MLLT1: variants seen among roughly 807,000 people sequenced by gnomAD.
The protein encoded by MLLT1 is protein ENL.
MLLT1 carries 11 observed loss-of-function variants against 55.1 expected under a neutral mutation model. The observed-to-expected ratio is 0.20, with a 90% CI of 0.13 to 0.33. The LOEUF (loss-of-function observed/expected upper bound fraction) is 0.33, where lower values mean the gene tolerates loss of function less well. Ranked by LOEUF, MLLT1 falls within the 10% of genes least tolerant of loss-of-function variation. The probability of loss-of-function intolerance (pLI) is 1.00; values close to 1 mark genes in which losing one functional copy is unlikely to be tolerated. For missense variants in MLLT1, 536 were observed against 760.6 expected (o/e 0.70, Z 3.47); for synonymous variants, 323 against 320.1 (o/e 1.01, Z -0.10).
At chr19:6,214,323 G>A (rs2090817177) in intron 8 of MLLT1, among the ~76,000 whole-genome samples, 2 of 152,252 alleles carry the variant, frequency 1.3e-5, no homozygotes, top group South Asian at 4.1e-4. Context: ...CAGCCAATGG[G>A]CCTTGCTGGG....
intron 3 of MLLT1, among the ~76,000 whole-genome samples, chr19:6,239,548 C>T (rs1326033999): frequency 2.0e-5 from 3 of 152,166 alleles, no homozygotes; most frequent in Non-Finnish European, 4.4e-5. Flanking sequence ...CATGCACACA[C>T]GCATGCGTAC....
chr19:6,230,441 G>C lies in MLLT1; in HGVS notation c.420+129C>G, dbSNP rs2090998596. 3 of 1,135,450 alleles carry C rather than the reference G, an allele frequency of 2.6e-6. No individual in the cohort carries two copies. The Admixed American group carries it at 7.9e-5, about 30-fold the overall frequency. 70.3% of individuals were successfully genotyped at this position (1,135,450 alleles called of 1,614,324 possible). A position where few individuals can be genotyped will look rare whatever the true frequency, so the allele number is the denominator to read the frequency against. ...CCCAGGTCCCCTCCAGCTCTGCTGG[G>C]TGCTGCCGTGTGACCTGCGCCTTGG... is the stretch of plus-strand genomic sequence containing the variant. On this transcript the variant is annotated intron_variant, in intron 4 of 11. Coordinates refer to ENST00000252674, the MANE Select transcript of MLLT1 (RefSeq NM_005934.4). The surrounding 1 kb of genome is among the most constrained non-coding windows in gnomAD (Gnocchi z 9.0).
intron 3 of MLLT1, among the ~76,000 whole-genome samples, chr19:6,233,646 G>A (rs1165976137): frequency 2.0e-5 from 3 of 152,224 alleles, no homozygotes; most frequent in African/African-American, 4.8e-5. Flanking sequence ...CGCGAGAGGT[G>A]GTGCCTGTGG....
rs562298653 is a variant in MLLT1 at position 6,262,569 on chromosome 19, G to A, written c.194-259C>T. Among the ~76,000 whole-genome samples, 31 of 152,312 alleles carry A rather than the reference G, an allele frequency of 2.0e-4. No homozygotes were observed. In the South Asian group the frequency reaches 5.6e-3, roughly 28 times the overall value. On this transcript the variant is annotated intron_variant, in intron 2 of 11. Transcript: ENST00000252674. The surrounding 1 kb of genome is among the most constrained non-coding windows in gnomAD (Gnocchi z 4.4). ...TGGTCAGCAGAGAGTGAGAAGGAACGTTAGCCTGTCATCGGGATACTTGCT... is the reference window on the plus strand; with the variant it reads ...TGGTCAGCAGAGAGTGAGAAGGAACATTAGCCTGTCATCGGGATACTTGCT...
At chr19:6,249,357 G>C (rs2091195680) in intron 3 of MLLT1, among the ~76,000 whole-genome samples, 1 of 152,130 alleles carries the variant, frequency 6.6e-6, no homozygotes, top group Non-Finnish European at 1.5e-5. Flanking sequence ...TCACTCACTA[G>C]AACAGGAAGG....
chr19:6,215,423 G>A (rs1339163837), intron 8 of MLLT1, among the ~76,000 whole-genome samples: 1 of 152,206 alleles, frequency 6.6e-6, no homozygotes, highest in Non-Finnish European at 1.5e-5. Context: ...CGTGTCTAGA[G>A]TCTAAGTCCC....
chr19:6,216,761 A>G, intron 7 of MLLT1: 2 of 531,752 alleles, frequency 3.8e-6, no homozygotes, highest in South Asian at 2.3e-5. Context: ...CGCAGGCCTC[A>G]GGGGACTGGC....
At chr19:6,264,139 C>T (rs1320599852) in intron 2 of MLLT1, among the ~76,000 whole-genome samples, 1 of 151,896 alleles carries the variant, frequency 6.6e-6, no homozygotes, top group Non-Finnish European at 1.5e-5. Flanking sequence ...CTCCATAAAG[C>T]GGTTATTAAA....
intron 2 of MLLT1, among the ~76,000 whole-genome samples, chr19:6,269,982 A>G (rs565650539): frequency 1.3e-5 from 2 of 152,032 alleles, no homozygotes; most frequent in Admixed American, 6.5e-5. Flanking sequence ...CCTAGGGCTC[A>G]CTTCCCCAGG....
chr19:6,217,582 C>T (rs1454113403), intron 7 of MLLT1, among the ~76,000 whole-genome samples: 1 of 152,216 alleles, frequency 6.6e-6, no homozygotes. Context: ...GCCAGTGCCT[C>T]GCTGGCCCTG....
intron 6 of MLLT1, among the ~76,000 whole-genome samples, chr19:6,221,387 C>T (rs1351451923): frequency 6.6e-6 from 1 of 152,236 alleles, no homozygotes; most frequent in Non-Finnish European, 1.5e-5. Flanking sequence ...GAGGTGGCTA[C>T]CAGCTCTTGC....
At position 6,267,879 on chromosome 19, in the gene MLLT1, G is replaced by T. The variant is rs140359593; in HGVS notation, c.193+2700C>A. 8.8e-3 allele frequency among the ~76,000 whole-genome samples: 1,334 copies of T among 152,312 alleles called. 24 individuals are homozygous for T. The highest frequency in any genetic ancestry group is 0.03 in the African/African-American group (1,267 of 41,568). On this transcript the variant is annotated intron_variant, in intron 2 of 11. Coordinates refer to ENST00000252674, the MANE Select transcript of MLLT1 (RefSeq NM_005934.4). ...GTGGCCTTGCCCTCCTCAGTGGAGAGTCAGAAAACACTAACAAAAGCTGAC... is the reference window on the plus strand; with the variant it reads ...GTGGCCTTGCCCTCCTCAGTGGAGATTCAGAAAACACTAACAAAAGCTGAC...
rs563381777 is a variant in MLLT1 at position 6,226,815 on chromosome 19, G to A, written c.546+162C>T. On this transcript the variant is annotated intron_variant, in intron 5 of 11. Coordinates refer to ENST00000252674, the MANE Select transcript of MLLT1 (RefSeq NM_005934.4). The surrounding 1 kb of genome is among the most constrained non-coding windows in gnomAD (Gnocchi z 6.3). ...CTTATTCCTGAAATCCTAGGGAAGC[G>A]GCAGTGCGCAGCGAGGGGTGTGCAG... Among the ~76,000 whole-genome samples, 5 of 152,202 alleles carry A rather than the reference G, an allele frequency of 3.3e-5. No homozygotes were observed. The highest frequency in any genetic ancestry group is 3.9e-4 in the East Asian group (2 of 5,068).
rs1013163608 is a variant in MLLT1 at position 6,245,729 on chromosome 19, A to T, written c.277-15016T>A. The stretch of plus-strand genomic sequence containing the variant: ...CCGTCTCAAAAAATAAACAAATAAA[A>T]TTTTTTTTTAAAAAGAAAAACTCAC... On this transcript the variant is annotated intron_variant, in intron 3 of 11. Coordinates refer to ENST00000252674, the MANE Select transcript of MLLT1 (RefSeq NM_005934.4). Among the ~76,000 whole-genome samples, 8 of 150,980 alleles carry T rather than the reference A, an allele frequency of 5.3e-5. No homozygotes were observed. The East Asian group carries it at 7.9e-4, about 15-fold the overall frequency.
In MLLT1 at chr19:6,246,675, G is replaced by A. The variant is rs970076712; in HGVS notation, c.276+15553C>T. 3.3e-5 allele frequency among the ~76,000 whole-genome samples: 5 copies of A among 152,090 alleles called. No homozygotes were observed. In the South Asian group the frequency reaches 8.3e-4, roughly 25 times the overall value. ...AGGGACAGCAAGTGGGAATCGGAGTGGGGGAGGCAGAGTCCCGGTAGATAC... is the reference window on the plus strand; with the variant it reads ...AGGGACAGCAAGTGGGAATCGGAGTAGGGGAGGCAGAGTCCCGGTAGATAC... On this transcript the variant is annotated intron_variant, in intron 3 of 11. Transcript: ENST00000252674.
intron 3 of MLLT1, among the ~76,000 whole-genome samples, chr19:6,243,332 C>A (rs946681301): frequency 1.3e-5 from 2 of 152,306 alleles, no homozygotes; most frequent in Non-Finnish European, 2.9e-5. Context: ...AGCTCTGCAG[C>A]CCCTCCCGAG....
intron 3 of MLLT1, among the ~76,000 whole-genome samples, chr19:6,233,192 C>T (rs2091029229): frequency 6.6e-6 from 1 of 152,244 alleles, no homozygotes; most frequent in South Asian, 2.1e-4. Context: ...ACGGGTGGCA[C>T]CAGGCTCCGC....
chr19:6,237,939 CA>C (rs990413919), intron 3 of MLLT1, among the ~76,000 whole-genome samples: 3 of 151,776 alleles, frequency 2.0e-5, no homozygotes, highest in South Asian at 2.1e-4. Context: ...CTCATCTCTA[CA>C]AAAAAAATTT....
intron 3 of MLLT1, among the ~76,000 whole-genome samples, chr19:6,236,341 C>T (rs1189612839): frequency 1.3e-5 from 2 of 152,174 alleles, no homozygotes; most frequent in Non-Finnish European, 2.9e-5. Flanking sequence ...GGTGTCCCCC[C>T]GTCACAGATG....
Sources: allele counts gnomAD v4.1 joint callset (sites outside exome capture counted in the v4.1 genomes callset), GRCh38; gene constraint gnomAD v4.1.1; non-coding constraint Gnocchi (gnomAD v3.1); transcripts MANE v1.5; gene names NCBI Gene and HGNC (gene_info 2026-07-23, HGNC 2026-07-21).